CYBB: variants seen among roughly 807,000 people sequenced by gnomAD.
The protein encoded by CYBB is cytochrome b-245 beta chain, also known as NADPH oxidase 2.
A neutral mutation model predicts 46.5 loss-of-function variants in CYBB; 5 were observed. The ratio of observed to expected loss-of-function variants is 0.11; its 90% CI spans 0.06 to 0.23. CYBB has a LOEUF of 0.23. CYBB is among the 10% of genes least tolerant of loss of function. CYBB has a pLI of 1.00. For missense variants in CYBB, 307 were observed against 428.3 expected, an observed-to-expected ratio of 0.72 and a Z score of 2.50; for synonymous variants, 183 against 156.7, an observed-to-expected ratio of 1.17 and a Z score of -1.26.
chrX:37,809,534 CT>C, intron 11 of CYBB, 32 bp from the exon 12 acceptor site: 2 of 1,175,639 alleles, frequency 1.7e-6, no homozygotes, highest in Non-Finnish European at 2.3e-6. Context: ...CAGAATGTCT[CT>C]TTTTTTTCTG....
intron 7 of CYBB, among the ~76,000 whole-genome samples, chrX:37,800,233 T>C (rs1929407901): frequency 1.8e-5 from 2 of 111,707 alleles, no homozygotes; most frequent in South Asian, 7.4e-4. Flanking sequence ...CTAGCAGCAA[T>C]ATCCAAATCT....
At chrX:37,782,991 C>T (rs1339095834) in intron 2 of CYBB, among the ~76,000 whole-genome samples, 1 of 111,372 alleles carries the variant, frequency 9.0e-6, no homozygotes, top group Non-Finnish European at 1.9e-5. Context: ...ATTTAAGATA[C>T]TGTTAAGATC....
At chrX:37,787,283 A>G (rs1320756213) in intron 3 of CYBB, among the ~76,000 whole-genome samples, 12 of 112,197 alleles carry the variant, frequency 1.1e-4, no homozygotes, top group African/African-American at 3.9e-4. Context: ...GGATTTTGTA[A>G]TTTCTCCCAG....
At chrX:37,788,776 T>A (rs1929130922) in intron 3 of CYBB, among the ~76,000 whole-genome samples, 1 of 111,489 alleles carries the variant, frequency 9.0e-6, no homozygotes, top group Admixed American at 9.5e-5. Flanking sequence ...ATTCTCTGAT[T>A]CTTTGGACTC....
chrX:37,812,015 G>C lies in CYBB; in HGVS notation c.*1098G>C, dbSNP rs1036307815. ...TTGTGACAAATATGTATCTGATATG[G>C]TCATTTGTTTTAAATAACACCCACC... On this transcript the variant is annotated 3_prime_UTR_variant, in exon 13 of 13. Coordinates refer to ENST00000378588, the MANE Select transcript of CYBB (RefSeq NM_000397.4). The C allele has an allele frequency of 8.9e-6, 1 of 111,801 alleles. No homozygotes were observed. The highest frequency in any genetic ancestry group is 1.9e-5 in the Non-Finnish European group (1 of 53,169). 9.2% of individuals were successfully genotyped at this position (111,801 alleles called of 1,213,427 possible).
intron 1 of CYBB, among the ~76,000 whole-genome samples, chrX:37,781,185 A>C (rs782378588): frequency 8.5e-4 from 96 of 112,611 alleles, no homozygotes; most frequent in African/African-American, 3.0e-3. Context: ...AGGGCAAATA[A>C]TTTCTATAGA....
At chrX:37,802,897 A>G (rs1929474937) in intron 8 of CYBB, among the ~76,000 whole-genome samples, 1 of 112,166 alleles carries the variant, frequency 8.9e-6, no homozygotes, top group African/African-American at 3.2e-5. Flanking sequence ...CTTAGGAATC[A>G]TCAAAGAAAC....
intron 7 of CYBB, among the ~76,000 whole-genome samples, chrX:37,800,382 G>T (rs192973023): frequency 9.0e-6 from 1 of 111,498 alleles, no homozygotes; most frequent in African/African-American, 3.3e-5. Flanking sequence ...CTTCAAGTTT[G>T]GCTGAAGATG....
chrX:37,782,056 G>A, intron 1 of CYBB, 32 bp from the exon 2 acceptor site: 2 of 1,132,563 alleles, frequency 1.8e-6, no homozygotes, highest in Non-Finnish European at 1.2e-6. Flanking sequence ...TGGAAATGCG[G>A]AAACTTCATG....
In CYBB at chrX:37,813,315, C is replaced by T. The variant is rs1345073583; in HGVS notation, c.*2398C>T. ...TAATCTTAAGACTATGAAGGTTTTT[C>T]TTAGTTCTTCTGCTTTTGCAATTGT... is the stretch of plus-strand genomic sequence containing the variant. On this transcript the variant is annotated 3_prime_UTR_variant, in exon 13 of 13. Coordinates refer to ENST00000378588, the MANE Select transcript of CYBB (RefSeq NM_000397.4). 1 of 94,289 alleles carries T rather than the reference C, an allele frequency of 1.1e-5. No individual in the cohort carries two copies. Among genetic ancestry groups the T allele is most frequent in the African/African-American group, 4.0e-5 (1 of 24,706 alleles). The allele number at this position is 94,289 out of a possible 1,213,427, so 7.8% of individuals were successfully genotyped here. A position where few individuals can be genotyped will look rare whatever the true frequency, so the allele number is the denominator to read the frequency against.
rs1179701878 is a variant in CYBB, at chrX:37,812,076, G to A, written c.*1159G>A. 1 of 112,007 alleles carries A rather than the reference G, an allele frequency of 8.9e-6. No homozygotes were observed. The highest frequency in any genetic ancestry group is 1.9e-5 in the Non-Finnish European group (1 of 53,180). The allele number at this position is 112,007 out of a possible 1,213,427, so 9.2% of individuals were successfully genotyped here. ...CGTAAATACACACACAAAATGGATC[G>A]CATCTGTGTGACTAATGGTTTATTT... On this transcript the variant is annotated 3_prime_UTR_variant, in exon 13 of 13. Transcript: ENST00000378588.
At chrX:37,787,886 G>A (rs1158251416) in intron 3 of CYBB, among the ~76,000 whole-genome samples, 6 of 111,865 alleles carry the variant, frequency 5.4e-5, no homozygotes, top group Admixed American at 4.7e-4. Flanking sequence ...CCACACCAAA[G>A]AGGGTAGGTG....
chrX:37,789,594 T>C (rs1457486223), intron 3 of CYBB, among the ~76,000 whole-genome samples: 1 of 108,097 alleles, frequency 9.3e-6, no homozygotes, highest in African/African-American at 3.4e-5. Flanking sequence ...GAAAAAGTTA[T>C]TTCCTCAAAA....
chrX:37,793,369 A>G (rs954348176), intron 4 of CYBB, among the ~76,000 whole-genome samples: 8 of 110,220 alleles, frequency 7.3e-5, no homozygotes, highest in African/African-American at 2.6e-4. Context: ...AGAATCTTAT[A>G]ACTTGATTGA....
At chrX:37,806,850 T>TTCTCTCTGTCTCTCTCTCTG (rs1445478043) in intron 11 of CYBB, among the ~76,000 whole-genome samples, 1 of 108,336 alleles carries the variant, frequency 9.2e-6, no homozygotes, top group Non-Finnish European at 1.9e-5. Flanking sequence ...AGCTTTCTCT[T>TTCTCTCTGTCTCTCTCTCTG]TCTCTCTGTC....
At chrX:37,786,853 C>T (rs1929079186) in intron 3 of CYBB, among the ~76,000 whole-genome samples, 1 of 110,697 alleles carries the variant, frequency 9.0e-6, no homozygotes, top group Admixed American at 9.6e-5. Flanking sequence ...CAGTGTGCCT[C>T]TATCTTTAAT....
intron 4 of CYBB, 45 bp downstream of exon 4, chrX:37,792,104 T>G (rs1556467146): frequency 1.2e-6 from 1 of 847,953 alleles, no homozygotes; most frequent in Non-Finnish European, 1.8e-6. Context: ...TTCCCTCTAT[T>G]CATAGATACC....
chrX:37,808,178 T>C (rs7886998), intron 11 of CYBB, among the ~76,000 whole-genome samples: 22,828 of 110,775 alleles, frequency 0.21, 1,923 homozygotes, highest in African/African-American at 0.33. Flanking sequence ...AAATTTATTT[T>C]CTCAAAGTTC....
At chrX:37,798,243 A>C (rs781943945) in intron 6 of CYBB, 7 of 112,046 alleles carry the variant, frequency 6.2e-5, no homozygotes, top group African/African-American at 9.7e-5. Flanking sequence ...TCTATCACCA[A>C]TAATTGTCTT....
Sources: gnomAD v4.1 joint callset for allele counts (sites outside exome capture counted in the v4.1 genomes callset) on GRCh38, gnomAD v4.1.1 for gene constraint, MANE v1.5 for transcripts, NCBI Gene and HGNC (gene_info 2026-07-23, HGNC 2026-07-21) for gene names.